Variants in CACNA1B observed in about 807,000 individuals in gnomAD.
CACNA1B encodes calcium voltage-gated channel subunit alpha1 B.
A neutral mutation model predicts 247.2 loss-of-function variants in CACNA1B; 70 were observed. That is an observed-to-expected ratio of 0.28 (90% CI 0.23 to 0.35). CACNA1B has a LOEUF of 0.35. Ranked by LOEUF, CACNA1B falls within the 10% of genes least tolerant of loss-of-function variation. The probability of loss-of-function intolerance (pLI) is 1.00; values close to 1 mark genes in which losing one functional copy is unlikely to be tolerated. For missense variants in CACNA1B, 2,367 were observed against 3,197.4 expected, an observed-to-expected ratio of 0.74 and a Z score of 6.26; for synonymous variants, 1,231 against 1,294.4, an observed-to-expected ratio of 0.95 and a Z score of 1.05.
chr9:137,976,327 C>T (rs1958221113), intron 12 of CACNA1B, among the ~76,000 whole-genome samples: 3 of 152,264 alleles, frequency 2.0e-5, no homozygotes, highest in African/African-American at 4.8e-5. Flanking sequence ...CCTGGGATCT[C>T]GCAAACCTGT....
chr9:138,092,782 TGG>T (rs1960921248), intron 36 of CACNA1B, among the ~76,000 whole-genome samples: 1 of 152,204 alleles, frequency 6.6e-6, no homozygotes, highest in East Asian at 1.9e-4. Context: ...AGTATTAATT[TGG>T]GGAACTAACA....
chr9:137,891,788 C>A lies in CACNA1B; in HGVS notation c.530+8905C>A. ...CTCCACCCTGCGTGCCTGTGTGCAG[C>A]CCCACACGTGCTGAAGCATCTCTAC... is the stretch of plus-strand genomic sequence containing the variant. On this transcript the variant is annotated intron_variant, in intron 3 of 46. Coordinates refer to ENST00000371372, the MANE Select transcript of CACNA1B (RefSeq NM_000718.4). The surrounding 1 kb of genome is among the most constrained non-coding windows in gnomAD (Gnocchi z 4.3). 1 of 348,998 alleles carries A rather than the reference C, an allele frequency of 2.9e-6. No homozygotes were observed. The highest frequency in any genetic ancestry group is 2.2e-5 in the South Asian group (1 of 46,340). 21.6% of individuals were successfully genotyped at this position (348,998 alleles called of 1,614,324 possible). A position where few individuals can be genotyped will look rare whatever the true frequency, so the allele number is the denominator to read the frequency against.
rs758719571 is a variant in CACNA1B at position 138,047,057 on chromosome 9, C to G, written c.3543+24C>G. On this transcript the variant is annotated intron_variant, in intron 22 of 46. Transcript: ENST00000371372. ...ACGTGAGTGGCCCGGATGGCCGGGT[C>G]CCCGCCAGGCTGTGGCGGGGGAGCT... is the stretch of plus-strand genomic sequence containing the variant. 5 of 1,589,924 alleles carry G rather than the reference C, an allele frequency of 3.1e-6. No individual in the cohort carries two copies. The East Asian group carries it at 9.1e-5, about 29-fold the overall frequency.
chr9:137,916,567 G>A (rs538781364), intron 5 of CACNA1B, among the ~76,000 whole-genome samples: 26 of 152,292 alleles, frequency 1.7e-4, no homozygotes, highest in Middle Eastern at 3.4e-3. Context: ...GCCACCCTCC[G>A]GGTACATGTT....
chr9:137,946,986 AC>A (rs1957804644), intron 6 of CACNA1B, among the ~76,000 whole-genome samples: 1 of 152,254 alleles, frequency 6.6e-6, no homozygotes, highest in Non-Finnish European at 1.5e-5. Flanking sequence ...GAAAGCACAG[AC>A]TTATTGAAAC....
At chr9:138,013,629 C>A (rs763830587) in intron 18 of CACNA1B, among the ~76,000 whole-genome samples, 3 of 152,202 alleles carry the variant, frequency 2.0e-5, no homozygotes, top group African/African-American at 7.2e-5. Flanking sequence ...CTAGGTGATA[C>A]CTGAGCAGTC....
At chr9:137,965,573 TTTTATTTA>T (rs10586603) in intron 10 of CACNA1B, among the ~76,000 whole-genome samples, 181 of 148,518 alleles carry the variant, frequency 1.2e-3, no homozygotes, top group South Asian at 2.8e-3. Context: ...TCCTACTTCA[TTTTATTTA>T]TTTATTTATT....
intron 10 of CACNA1B, among the ~76,000 whole-genome samples, chr9:137,958,646 C>G (rs1241018448): frequency 6.6e-6 from 1 of 152,116 alleles, no homozygotes; most frequent in African/African-American, 2.4e-5. Flanking sequence ...GAATGGCTGT[C>G]CTTCCTCACT....
At chr9:137,923,550 A>T (rs1165245871) in intron 6 of CACNA1B, among the ~76,000 whole-genome samples, 1 of 151,902 alleles carries the variant, frequency 6.6e-6, no homozygotes, top group Non-Finnish European at 1.5e-5. Flanking sequence ...CTATGGCTGT[A>T]CCATGGCTTG....
rs1959417809 is a variant in CACNA1B, at chr9:138,054,435, C to G, written c.3968+429C>G. On this transcript the variant is annotated intron_variant, in intron 26 of 46. Transcript: ENST00000371372. The surrounding 1 kb of genome is among the most constrained non-coding windows in gnomAD (Gnocchi z 4.6). The stretch of plus-strand genomic sequence containing the variant: ...GAGCTTCCTGTGCCCAGCGCTGCCT[C>G]CAAAGTAGACAGGAGAGGGGCCCTT... Among the ~76,000 whole-genome samples, 1 of 152,196 alleles carries G rather than the reference C, an allele frequency of 6.6e-6. No individual in the cohort carries two copies. The highest frequency in any genetic ancestry group is 6.5e-5 in the Admixed American group (1 of 15,282).
At chr9:138,090,463 A>G (rs1960838060) in intron 36 of CACNA1B, among the ~76,000 whole-genome samples, 1 of 152,070 alleles carries the variant, frequency 6.6e-6, no homozygotes, top group South Asian at 2.1e-4. Flanking sequence ...AGAATAAAAT[A>G]CAGGGAAAAC....
intron 13 of CACNA1B, among the ~76,000 whole-genome samples, chr9:137,985,529 C>T (rs1366625338): frequency 6.6e-6 from 1 of 152,230 alleles, no homozygotes. Context: ...AGTCTTCCAT[C>T]CCGTCTGCCA....
intron 40 of CACNA1B, 109 bp downstream of exon 40, chr9:138,112,614 G>T: frequency 1.4e-6 from 1 of 730,050 alleles, no homozygotes; most frequent in South Asian, 1.6e-5. Flanking sequence ...GGCCACCTTG[G>T]AGAGGTGGGC....
rs569100070 is a variant in CACNA1B, at chr9:137,987,704, C to T, written c.1974+850C>T. Among the ~76,000 whole-genome samples the T allele has an allele frequency of 8.5e-5, 13 of 152,238 alleles. No homozygotes were observed. In the South Asian group the frequency reaches 1.7e-3, roughly 19 times the overall value. ...AGGGGCCCTTTCGGTCCCACTCTCT[C>T]GAAGGGAGGAAGTCTTACCAGCAGA... On this transcript the variant is annotated intron_variant, in intron 15 of 46. Coordinates refer to ENST00000371372, the MANE Select transcript of CACNA1B (RefSeq NM_000718.4).
rs537248181 is a variant in CACNA1B, at chr9:138,120,310, G to C, written c.6176G>C (p.Arg2059Pro). Reference sequence around the variant, plus strand: ...CACCACCACCACCGCTGCCACCGCCGCAGGGACAGGAAGCAGAGGTCCCTG... The same window carrying C: ...CACCACCACCACCGCTGCCACCGCCCCAGGGACAGGAAGCAGAGGTCCCTG... ...SHHHHHRCHR[R>P]RDRKQRSLEK... Residue 2059 changes from arginine (R) to proline (P), a missense_variant, in exon 45 of 47, where the codon CGC (arginine) becomes CCC (proline). By Grantham distance (103) the Arg-to-Pro change is moderately radical. Around this residue, in one of 12 missense-constraint regions of CACNA1B, gnomAD observed 773 missense variants for 779.4 expected, o/e 0.99. Transcript: ENST00000371372. The C allele has an allele frequency of 7.0e-6, 11 of 1,566,130 alleles. No individual in the cohort carries two copies. Among genetic ancestry groups the C allele is most frequent in the Non-Finnish European group, 9.5e-6 (11 of 1,160,266 alleles).
chr9:138,006,150 G>T (rs953117510), intron 15 of CACNA1B, among the ~76,000 whole-genome samples: 1 of 152,132 alleles, frequency 6.6e-6, no homozygotes, highest in African/African-American at 2.4e-5. Context: ...AGTTGGTCAC[G>T]GGGAGGGGGA....
chr9:138,032,252 A>T (rs1196746808), intron 20 of CACNA1B, among the ~76,000 whole-genome samples: 1 of 151,874 alleles, frequency 6.6e-6, no homozygotes, highest in African/African-American at 2.4e-5. Context: ...TCATGTAGTC[A>T]TTTTACCAGT....
intron 40 of CACNA1B, among the ~76,000 whole-genome samples, chr9:138,113,612 A>G (rs1250577859): frequency 7.3e-6 from 1 of 137,810 alleles, no homozygotes; most frequent in Admixed American, 7.1e-5. Flanking sequence ...GGAGGTGCCC[A>G]ACTCCATCTT....
chr9:138,110,496 G>A (rs1354801816), intron 39 of CACNA1B, among the ~76,000 whole-genome samples: 1 of 152,166 alleles, frequency 6.6e-6, no homozygotes. Context: ...GAGAGAAGAG[G>A]TGGGAAGATT....
Sources: gnomAD v4.1 joint callset for allele counts (sites outside exome capture counted in the v4.1 genomes callset) on GRCh38, gnomAD v4.1.1 for gene constraint, gnomAD v4.1.1 regional missense constraint, Gnocchi (gnomAD v3.1) non-coding constraint, MANE v1.5 for transcripts, NCBI Gene and HGNC (gene_info 2026-07-23, HGNC 2026-07-21) for gene names.